Variants in FAM135B observed in about 807,000 individuals in gnomAD.
FAM135B encodes the protein protein FAM135B.
In FAM135B, 43 loss-of-function variants were observed where a neutral mutation model predicts 127.7. The observed-to-expected ratio is 0.34, with a 90% CI of 0.26 to 0.43. FAM135B has a LOEUF of 0.43. Ranked by LOEUF, FAM135B falls within the 20% of genes least tolerant of loss-of-function variation. The pLI, the probability that FAM135B is intolerant of heterozygous loss-of-function variation, is 1.00. For synonymous variants in FAM135B, 670 were observed against 665.1 expected (o/e 1.01, Z -0.11); for missense variants, 1,558 against 1,725.6 (o/e 0.90, Z 1.72).
rs576113466 is a variant in FAM135B at position 138,308,529 on chromosome 8, G to A, written c.157+2312C>T. On this transcript the variant is annotated intron_variant, in intron 3 of 19. Coordinates refer to ENST00000395297, the MANE Select transcript of FAM135B (RefSeq NM_015912.4). ...TCATTGTAAATTATTGCTGGCCACT[G>A]TGTTAATATTCTGTTCTAAACAGTG... 1.3e-4 allele frequency among the ~76,000 whole-genome samples: 20 copies of A among 152,326 alleles called. No homozygotes were observed. The South Asian group carries it at 4.1e-3, about 32-fold the overall frequency.
chr8:138,378,217 A>C (rs532275547), intron 1 of FAM135B, among the ~76,000 whole-genome samples: 1 of 152,174 alleles, frequency 6.6e-6, no homozygotes, highest in Non-Finnish European at 1.5e-5. Flanking sequence ...TCAAGTCACA[A>C]CTGTGGTCCA....
intron 9 of FAM135B, among the ~76,000 whole-genome samples, chr8:138,183,171 C>CA (rs1428017338): frequency 4.6e-5 from 7 of 152,344 alleles, no homozygotes; most frequent in African/African-American, 1.7e-4. Flanking sequence ...TTGAGAGTTA[C>CA]AAGGCACTGT....
chr8:138,234,875 T>C (rs1820153368), intron 7 of FAM135B, among the ~76,000 whole-genome samples: 1 of 152,194 alleles, frequency 6.6e-6, no homozygotes, highest in African/African-American at 2.4e-5. Flanking sequence ...GAGACGATAA[T>C]GAGGGATAAT....
At chr8:138,401,304 AT>A (rs1317195461) in intron 1 of FAM135B, among the ~76,000 whole-genome samples, 2 of 152,164 alleles carry the variant, frequency 1.3e-5, no homozygotes, top group African/African-American at 4.8e-5. Flanking sequence ...CTGATTGTCT[AT>A]GTTATACTCT....
At chr8:138,318,217 T>C (rs1827220323) in intron 2 of FAM135B, among the ~76,000 whole-genome samples, 1 of 152,250 alleles carries the variant, frequency 6.6e-6, no homozygotes, top group Admixed American at 6.5e-5. Flanking sequence ...ATACAAGATG[T>C]TACTTTTAGT....
chr8:138,231,511 C>CTA (rs1313653570), intron 7 of FAM135B, among the ~76,000 whole-genome samples: 183 of 152,262 alleles, frequency 1.2e-3, no homozygotes, highest in African/African-American at 4.3e-3. Flanking sequence ...ACTAATATAA[C>CTA]ATTTTATTAA....
chr8:138,308,013 G>A (rs1356944652), intron 3 of FAM135B, among the ~76,000 whole-genome samples: 1 of 152,196 alleles, frequency 6.6e-6, no homozygotes, highest in African/African-American at 2.4e-5. Context: ...TGCAGACAGT[G>A]CTTCCAATGA....
rs566388285 is a variant in FAM135B at position 138,143,151 on chromosome 8, C to T, written c.3541-42G>A. On this transcript the variant is annotated intron_variant, in intron 15 of 19. Transcript: ENST00000395297. ...GAACAGGTGTTGGGTATGGTTGTGGCGGGGGCTGGGCTTTGTGCACAGCCT... is the reference window on the plus strand; with the variant it reads ...GAACAGGTGTTGGGTATGGTTGTGGTGGGGGCTGGGCTTTGTGCACAGCCT... 4.6e-5 allele frequency: 54 copies of T among 1,170,824 alleles called. 1 individual carries two copies. Among genetic ancestry groups the T allele is most frequent in the Middle Eastern group, 1.9e-4 (1 of 5,284 alleles). 72.5% of individuals were successfully genotyped at this position (1,170,824 alleles called of 1,614,324 possible). A position where few individuals can be genotyped will look rare whatever the true frequency, so the allele number is the denominator to read the frequency against.
intron 2 of FAM135B, among the ~76,000 whole-genome samples, chr8:138,314,081 T>A (rs997816898): frequency 6.6e-6 from 1 of 152,170 alleles, no homozygotes; most frequent in Non-Finnish European, 1.5e-5. Flanking sequence ...AGGGCAGGAA[T>A]GCTGTGATGT....
At chr8:138,144,927 C>A (rs1026253803) in intron 15 of FAM135B, among the ~76,000 whole-genome samples, 2 of 152,230 alleles carry the variant, frequency 1.3e-5, no homozygotes, top group African/African-American at 4.8e-5. Flanking sequence ...ATCACAAACA[C>A]AAAGTGAGCA....
intron 1 of FAM135B, among the ~76,000 whole-genome samples, chr8:138,395,224 C>T (rs148611526): frequency 5.9e-4 from 90 of 152,280 alleles, no homozygotes; most frequent in African/African-American, 2.1e-3. Context: ...TTTGCCTGCA[C>T]AACCCTGTCA....
rs1048531939 is a variant in FAM135B at position 138,220,732 on chromosome 8, C to T, written c.669+22210G>A. Among the ~76,000 whole-genome samples, 4 of 152,262 alleles carry T rather than the reference C, an allele frequency of 2.6e-5. No individual in the cohort carries two copies. The East Asian group carries it at 5.8e-4, about 22-fold the overall frequency. On this transcript the variant is annotated intron_variant, in intron 7 of 19. Coordinates refer to ENST00000395297, the MANE Select transcript of FAM135B (RefSeq NM_015912.4). ...CCACAAGAACTCCCCCCAACTATTT[C>T]GAGTCCTGTGTTCATATTGCCAGTG...
intron 4 of FAM135B, among the ~76,000 whole-genome samples, chr8:138,260,203 T>C (rs2130581046): frequency 6.6e-6 from 1 of 152,300 alleles, no homozygotes; most frequent in East Asian, 1.9e-4. Flanking sequence ...TACCCTCTAG[T>C]GGTGTTTACT....
intron 6 of FAM135B, among the ~76,000 whole-genome samples, chr8:138,246,234 G>A (rs191310052): frequency 6.6e-6 from 1 of 152,304 alleles, no homozygotes; most frequent in East Asian, 1.9e-4. Context: ...CATAAGTAAT[G>A]AGGGACCCAA....
intron 6 of FAM135B, among the ~76,000 whole-genome samples, chr8:138,247,107 C>T (rs914499965): frequency 1.3e-5 from 2 of 152,284 alleles, no homozygotes; most frequent in East Asian, 3.9e-4. Flanking sequence ...ATTTTGCAGG[C>T]TCATAGGCAG....
At chr8:138,267,532 A>G (rs1235513283) in intron 3 of FAM135B, among the ~76,000 whole-genome samples, 1 of 144,588 alleles carries the variant, frequency 6.9e-6, no homozygotes, top group African/African-American at 2.6e-5. Context: ...TCTATAAAAC[A>G]GTACTGAAAG....
intron 2 of FAM135B, among the ~76,000 whole-genome samples, chr8:138,317,690 C>T (rs1003909346): frequency 5.9e-5 from 9 of 152,196 alleles, no homozygotes; most frequent in Non-Finnish European, 8.8e-5. Flanking sequence ...CTGGAGAAAA[C>T]GCAAACGCCT....
intron 1 of FAM135B, among the ~76,000 whole-genome samples, chr8:138,371,087 C>T (rs1018101208): frequency 6.6e-6 from 1 of 152,170 alleles, no homozygotes; most frequent in Non-Finnish European, 1.5e-5. Flanking sequence ...GGCCTAAAGA[C>T]AAGGGTTTTA....
At chr8:138,137,673 C>T (rs1326055866) in intron 18 of FAM135B, among the ~76,000 whole-genome samples, 1 of 152,110 alleles carries the variant, frequency 6.6e-6, no homozygotes, top group Non-Finnish European at 1.5e-5. Flanking sequence ...CTATCTTGTT[C>T]TTCCTCCTCA....
Sources: allele counts gnomAD v4.1 joint callset (sites outside exome capture counted in the v4.1 genomes callset), GRCh38; gene constraint gnomAD v4.1.1; transcripts MANE v1.5; gene names NCBI Gene and HGNC (gene_info 2026-07-23, HGNC 2026-07-21).